CAST: variants seen among roughly 807,000 people sequenced by gnomAD.
CAST encodes calpastatin.
Under a neutral mutation model 119.6 loss-of-function variants are expected in CAST, and 76 were observed. That is an observed-to-expected ratio of 0.64 (90% CI 0.53 to 0.77). The LOEUF (loss-of-function observed/expected upper bound fraction) is 0.77, where lower values mean the gene tolerates loss of function less well. Ranked by LOEUF, CAST falls within the 30% of genes least tolerant of loss-of-function variation. The probability of loss-of-function intolerance (pLI) is 0.00; values close to 1 mark genes in which losing one functional copy is unlikely to be tolerated. For synonymous variants in CAST, 319 were observed against 331.6 expected (o/e 0.96, Z 0.41); for missense variants, 953 against 946.5 (o/e 1.01, Z -0.09).
chr5:96,062,346 G>C, the CAST span, among the ~76,000 whole-genome samples: 2 of 152,116 alleles, frequency 1.3e-5, no homozygotes, highest in South Asian at 2.1e-4. Context: ...TGAGGATGGG[G>C]TGTAAGTGCA....
At chr5:96,168,211 T>C in the CAST span, among the ~76,000 whole-genome samples, 188 of 152,242 alleles carry the variant, frequency 1.2e-3, no homozygotes, top group African/African-American at 4.4e-3. Flanking sequence ...GGGATAGAAG[T>C]TGGAACGCTA....
chr5:96,014,761 T>G, the CAST span, among the ~76,000 whole-genome samples: 1 of 152,158 alleles, frequency 6.6e-6, no homozygotes, highest in Admixed American at 6.6e-5. Context: ...AAGAGATGTA[T>G]GCAGATGGGA....
At chr5:96,419,625 G>A in the CAST span, among the ~76,000 whole-genome samples, 1 of 151,538 alleles carries the variant, frequency 6.6e-6, no homozygotes, top group Non-Finnish European at 1.5e-5. Context: ...TTAACTGTTG[G>A]GCTATGACAT....
the CAST span, among the ~76,000 whole-genome samples, chr5:96,012,156 T>A: frequency 6.6e-6 from 1 of 152,192 alleles, no homozygotes; most frequent in African/African-American, 2.4e-5. Flanking sequence ...ATGAATAAAA[T>A]CTGTCCTGAT....
intron 1 of CAST, among the ~76,000 whole-genome samples, chr5:96,530,868 T>C (rs570725019): frequency 6.6e-6 from 1 of 152,308 alleles, no homozygotes; most frequent in East Asian, 1.9e-4. Context: ...CCTGGCTCAC[T>C]ATAACATTGA....
the CAST span, among the ~76,000 whole-genome samples, chr5:96,052,419 G>A: frequency 6.6e-6 from 1 of 152,190 alleles, no homozygotes; most frequent in African/African-American, 2.4e-5. Context: ...ATATCTTCAT[G>A]AGTAAATATG....
intron 2 of CAST, among the ~76,000 whole-genome samples, chr5:96,683,459 A>T (rs985655977): frequency 6.6e-6 from 1 of 152,216 alleles, no homozygotes; most frequent in Admixed American, 6.5e-5. Context: ...TTCTTGAATC[A>T]AGCTCCTCTA....
At chr5:96,041,135 T>C in the CAST span, among the ~76,000 whole-genome samples, 4,534 of 152,198 alleles carry the variant, frequency 0.03, 233 homozygotes, top group African/African-American at 0.1. Flanking sequence ...GTGGGTTGCT[T>C]ATAGTAACTT....
chr5:96,156,739 T>C, the CAST span, among the ~76,000 whole-genome samples: 1 of 152,182 alleles, frequency 6.6e-6, no homozygotes, highest in South Asian at 2.1e-4. Context: ...ATGGACTAGA[T>C]AAATAAACTT....
the CAST span, among the ~76,000 whole-genome samples, chr5:96,487,573 A>G: frequency 6.6e-6 from 1 of 152,256 alleles, no homozygotes; most frequent in Non-Finnish European, 1.5e-5. Flanking sequence ...TGAATCAGGC[A>G]TTAATGCCTA....
intron 1 of CAST, among the ~76,000 whole-genome samples, chr5:96,552,493 A>G (rs1746153403): frequency 6.6e-6 from 1 of 152,204 alleles, no homozygotes; most frequent in South Asian, 2.1e-4. Flanking sequence ...ATACCCTAAC[A>G]TCACAATTAA....
intron 19 of CAST, 33 bp from the exon 20 acceptor site, chr5:96,750,554 A>C: frequency 7.1e-7 from 1 of 1,400,996 alleles, no homozygotes; most frequent in Non-Finnish European, 1.0e-6. Context: ...AAATATTTCT[A>C]AACTTATTGA....
chr5:96,254,203 G>A, the CAST span, among the ~76,000 whole-genome samples: 3 of 152,042 alleles, frequency 2.0e-5, no homozygotes, highest in African/African-American at 7.2e-5. Context: ...CTTCCCAGTT[G>A]CTTCATGGAA....
At chr5:96,186,518 T>C in the CAST span, among the ~76,000 whole-genome samples, 462 of 152,336 alleles carry the variant, frequency 3.0e-3, 1 homozygote, top group Non-Finnish European at 4.3e-3. Flanking sequence ...TTGATGTGTG[T>C]TCCTTCAATA....
chr5:96,084,687 A>G, the CAST span, among the ~76,000 whole-genome samples: 2 of 152,214 alleles, frequency 1.3e-5, no homozygotes. Flanking sequence ...GCTGGGAAGC[A>G]GGGACTGCTG....
chr5:96,603,488 T>C (rs370907192), intron 1 of CAST, among the ~76,000 whole-genome samples: 2 of 152,176 alleles, frequency 1.3e-5, no homozygotes, highest in African/African-American at 4.8e-5. Flanking sequence ...GGATCATCAG[T>C]GTCACTGTCT....
chr5:95,967,956 G>A, the CAST span, among the ~76,000 whole-genome samples: 8 of 152,256 alleles, frequency 5.3e-5, no homozygotes, highest in African/African-American at 1.9e-4. Flanking sequence ...TACCTTTTAG[G>A]TAACTGAGGC....
chr5:96,297,423 G>A, the CAST span, among the ~76,000 whole-genome samples: 1 of 152,174 alleles, frequency 6.6e-6, no homozygotes, highest in Non-Finnish European at 1.5e-5. Flanking sequence ...TGTGTGTCTG[G>A]TGGCTTTGCT....
intron 20 of CAST, among the ~76,000 whole-genome samples, chr5:96,753,519 G>A (rs982589286): frequency 6.6e-6 from 1 of 152,172 alleles, no homozygotes; most frequent in African/African-American, 2.4e-5. Context: ...AGTTCTCACT[G>A]TGCCATTCAG....
Sources: allele counts gnomAD v4.1 joint callset (sites outside exome capture counted in the v4.1 genomes callset), GRCh38; gene constraint gnomAD v4.1.1; transcripts MANE v1.5; gene names NCBI Gene and HGNC (gene_info 2026-07-23, HGNC 2026-07-21).